The following ZC3H12B variants were observed in gnomAD, a reference collection of about 807,000 sequenced individuals.
ZC3H12B encodes the protein zinc finger CCCH-type containing 12B.
ZC3H12B carries 7 observed loss-of-function variants against 43.9 expected under a neutral mutation model. That is an observed-to-expected ratio of 0.16 (90% CI 0.09 to 0.30). ZC3H12B has a LOEUF of 0.30. Ranked by LOEUF, ZC3H12B falls within the 10% of genes least tolerant of loss-of-function variation. The pLI, the probability that ZC3H12B is intolerant of heterozygous loss-of-function variation, is 1.00. For missense variants in ZC3H12B, 475 were observed against 670.2 expected, an observed-to-expected ratio of 0.71 and a Z score of 3.22; for synonymous variants, 222 against 241.7, an observed-to-expected ratio of 0.92 and a Z score of 0.76.
chrX:65,138,841 G>A, the ZC3H12B span, among the ~76,000 whole-genome samples: 1 of 111,983 alleles, frequency 8.9e-6, no homozygotes, highest in African/African-American at 3.2e-5. Context: ...GACAATTAGT[G>A]ATGTAGATCA....
the ZC3H12B span, among the ~76,000 whole-genome samples, chrX:65,189,531 A>G: frequency 0.013 from 1,392 of 108,933 alleles, 22 homozygotes; most frequent in African/African-American, 0.045. Context: ...TTTGATTTGC[A>G]TTTCTCTGAT....
rs751572468 is a variant in ZC3H12B, at chrX:65,384,142, G to A, written n.296-14451G>A. The stretch of plus-strand genomic sequence containing the variant: ...CCCAAATGTCCAACAATGATAGACT[G>A]GATTAAGAAAATGTGGCACATATAC... On this transcript the variant is annotated intron_variant and non_coding_transcript_variant, in intron 2 of 5. Transcript: ENST00000617377. Among the ~76,000 whole-genome samples, 7 of 101,802 alleles carry A rather than the reference G, an allele frequency of 6.9e-5. No individual in the cohort carries two copies. The South Asian group carries it at 1.5e-3, about 22-fold the overall frequency. The allele number at this position is 101,802 out of a possible 115,157, so 88.4% of individuals were successfully genotyped here.
chrX:65,267,074 T>C, the ZC3H12B span, among the ~76,000 whole-genome samples: 1 of 110,573 alleles, frequency 9.0e-6, no homozygotes, highest in African/African-American at 3.3e-5. Flanking sequence ...CTGGCTGACA[T>C]TTGGGCTCCA....
chrX:65,093,748 T>C, the ZC3H12B span, among the ~76,000 whole-genome samples: 1 of 112,142 alleles, frequency 8.9e-6, no homozygotes, highest in African/African-American at 3.2e-5. Context: ...CTTTTGATTT[T>C]ACAGACTCCT....
the ZC3H12B span, among the ~76,000 whole-genome samples, chrX:65,120,506 G>A: frequency 1.8e-5 from 2 of 111,873 alleles, no homozygotes; most frequent in Non-Finnish European, 3.8e-5. Context: ...TTTGTATCCT[G>A]AGACTTTGCT....
chrX:65,266,369 G>C, the ZC3H12B span, among the ~76,000 whole-genome samples: 1 of 111,579 alleles, frequency 9.0e-6, no homozygotes, highest in Non-Finnish European at 1.9e-5. Context: ...AGCCACTCCA[G>C]ATCTGCCCTG....
chrX:65,425,724 A>C (rs775878513), intron 3 of ZC3H12B, among the ~76,000 whole-genome samples: 1 of 111,751 alleles, frequency 8.9e-6, no homozygotes, highest in East Asian at 2.8e-4. Flanking sequence ...TTAATCATGT[A>C]GTTTTTGACT....
At chrX:65,264,819 G>A in the ZC3H12B span, among the ~76,000 whole-genome samples, 1 of 111,640 alleles carries the variant, frequency 9.0e-6, no homozygotes, top group Non-Finnish European at 1.9e-5. Flanking sequence ...AGAATTAGTT[G>A]TGATCAGGTT....
chrX:65,076,813 G>T, the ZC3H12B span, among the ~76,000 whole-genome samples: 1 of 110,512 alleles, frequency 9.0e-6, no homozygotes, highest in Admixed American at 9.6e-5. Flanking sequence ...TTTGTTTAAA[G>T]ATATTTTTAA....
At chrX:65,316,396 C>T in the ZC3H12B span, among the ~76,000 whole-genome samples, 1 of 111,333 alleles carries the variant, frequency 9.0e-6, no homozygotes, top group African/African-American at 3.3e-5. Flanking sequence ...TTTAAAGGCA[C>T]CTAGAGGGTT....
At chrX:65,203,796 C>A in the ZC3H12B span, among the ~76,000 whole-genome samples, 3 of 111,706 alleles carry the variant, frequency 2.7e-5, no homozygotes, top group Non-Finnish European at 3.8e-5. Context: ...CAGCACAGCA[C>A]CAGGACTTGC....
intron 3 of ZC3H12B, among the ~76,000 whole-genome samples, chrX:65,418,911 T>C (rs1301463959): frequency 5.4e-5 from 6 of 111,853 alleles, no homozygotes; most frequent in Non-Finnish European, 1.1e-4. Context: ...ACCTATGGCC[T>C]TTTACCAGGG....
chrX:65,248,971 T>C, the ZC3H12B span, among the ~76,000 whole-genome samples: 1 of 111,869 alleles, frequency 8.9e-6, no homozygotes, highest in African/African-American at 3.2e-5. Context: ...TTGTAGATTC[T>C]GGATATTAGT....
chrX:65,437,715 CTT>C (rs762203910), intron 3 of ZC3H12B, among the ~76,000 whole-genome samples: 2 of 103,272 alleles, frequency 1.9e-5, no homozygotes, highest in Non-Finnish European at 1.9e-5. Flanking sequence ...TTCGTTGACT[CTT>C]TCTTTTTTTT....
chrX:65,137,919 C>T, the ZC3H12B span, among the ~76,000 whole-genome samples: 4 of 112,306 alleles, frequency 3.6e-5, no homozygotes, highest in Non-Finnish European at 5.6e-5. Flanking sequence ...ACCTTCACCT[C>T]GTGGGTTCAA....
chrX:65,394,875 T>G (rs1385358055), intron 2 of ZC3H12B, among the ~76,000 whole-genome samples: 2 of 112,011 alleles, frequency 1.8e-5, no homozygotes, highest in African/African-American at 6.5e-5. Context: ...CTCTCTTATT[T>G]CCTTGGGCAG....
At chrX:65,312,370 G>C in the ZC3H12B span, among the ~76,000 whole-genome samples, 7 of 110,693 alleles carry the variant, frequency 6.3e-5, no homozygotes, top group Non-Finnish European at 1.3e-4. Context: ...CTGTGGGTTG[G>C]ATAGTGTGAA....
chrX:65,443,276 C>G (rs1476925274), intron 3 of ZC3H12B, among the ~76,000 whole-genome samples: 1 of 111,136 alleles, frequency 9.0e-6, no homozygotes, highest in Non-Finnish European at 1.9e-5. Context: ...TGCTAGTTTT[C>G]CATTCCAACC....
chrX:65,202,093 A>G, the ZC3H12B span, among the ~76,000 whole-genome samples: 2 of 68,881 alleles, frequency 2.9e-5, no homozygotes, highest in Non-Finnish European at 4.2e-5. Flanking sequence ...TATATGTAAT[A>G]TATATATTTT....
Sources: gnomAD v4.1 joint callset for allele counts (sites outside exome capture counted in the v4.1 genomes callset) on GRCh38, gnomAD v4.1.1 for gene constraint, MANE v1.5 for transcripts, NCBI Gene and HGNC (gene_info 2026-07-23, HGNC 2026-07-21) for gene names.